Variants in TNPO3 observed in about 807,000 individuals in gnomAD.
The protein encoded by TNPO3 is transportin 3.
A neutral mutation model predicts 122.8 loss-of-function variants in TNPO3; 65 were observed. That is an observed-to-expected ratio of 0.53 (90% CI 0.43 to 0.65). The LOEUF is 0.65. Ranked by LOEUF, TNPO3 falls within the 30% of genes least tolerant of loss-of-function variation. TNPO3 has a pLI of 0.00. For missense variants in TNPO3, 850 were observed against 1,136.7 expected, an observed-to-expected ratio of 0.75 and a Z score of 3.63; for synonymous variants, 372 against 411.2, an observed-to-expected ratio of 0.90 and a Z score of 1.15.
At position 128,979,001 on chromosome 7, in the gene TNPO3, C is replaced by T. The variant is rs751271247; in HGVS notation, c.2043G>A (p.Leu681=). ...RCVGKGSAAL[L]QPLVTQMVNV... ...ACTTTACCTGTGTGACTAGTGGCTG[C>T]AGCAGTGCTGCAGATCCTTTGCCTA... is the stretch of plus-strand genomic sequence containing the variant. Residue 681 remains leucine (L), a synonymous_variant, in exon 16 of 23, where the codon CTG becomes CTA. Coordinates refer to ENST00000265388, the MANE Select transcript of TNPO3 (RefSeq NM_012470.4). 1 of 1,614,054 alleles carries T rather than the reference C, an allele frequency of 6.2e-7. No individual in the cohort carries two copies. The highest frequency in any genetic ancestry group is 1.1e-5 in the South Asian group (1 of 91,090).
chr7:129,050,447 AG>A (rs1269521789), intron 1 of TNPO3, among the ~76,000 whole-genome samples: 1 of 152,002 alleles, frequency 6.6e-6, no homozygotes, highest in African/African-American at 2.4e-5. Flanking sequence ...AAACAAAAAA[AG>A]AAAAAAGTTT....
chr7:129,030,738 T>C (rs1034328788), intron 1 of TNPO3, among the ~76,000 whole-genome samples: 1 of 152,162 alleles, frequency 6.6e-6, no homozygotes, highest in African/African-American at 2.4e-5. Flanking sequence ...TGTGGCAATA[T>C]GGAAGACTAG....
intron 1 of TNPO3, among the ~76,000 whole-genome samples, chr7:129,023,601 C>T (rs893779901): frequency 1.2e-4 from 18 of 152,004 alleles, no homozygotes; most frequent in African/African-American, 3.9e-4. Flanking sequence ...TTCAAAAGTA[C>T]TGAGAGGCAA....
intron 9 of TNPO3, 29 bp from the exon 10 acceptor site, chr7:128,992,119 C>A: frequency 1.5e-6 from 2 of 1,331,222 alleles, no homozygotes; most frequent in African/African-American, 1.5e-5. Context: ...ATTATGGATC[C>A]ATTAAAAGGA....
intron 1 of TNPO3, among the ~76,000 whole-genome samples, chr7:129,045,512 T>G (rs1807925918): frequency 6.7e-6 from 1 of 149,240 alleles, no homozygotes; most frequent in Non-Finnish European, 1.5e-5. Context: ...AAAAAAAACG[T>G]TAAAATGCTA....
intron 22 of TNPO3, among the ~76,000 whole-genome samples, chr7:128,956,568 A>G (rs1016423303): frequency 1.3e-5 from 2 of 152,240 alleles, no homozygotes; most frequent in Non-Finnish European, 2.9e-5. Flanking sequence ...GCGAATGAGC[A>G]TTGGAGCATT....
intron 14 of TNPO3, among the ~76,000 whole-genome samples, chr7:128,981,453 T>G (rs1234867854): frequency 6.6e-6 from 1 of 152,212 alleles, no homozygotes; most frequent in Non-Finnish European, 1.5e-5. Context: ...TTCATTATAT[T>G]TTTGTACCCA....
At chr7:128,994,868 G>A (rs1218487146) in intron 8 of TNPO3, among the ~76,000 whole-genome samples, 1 of 152,108 alleles carries the variant, frequency 6.6e-6, no homozygotes, top group Non-Finnish European at 1.5e-5. Context: ...ATGTTGCCCA[G>A]GCTGGTCTCA....
intron 21 of TNPO3, among the ~76,000 whole-genome samples, chr7:128,961,293 C>T (rs374322322): frequency 1.3e-5 from 2 of 152,014 alleles, no homozygotes; most frequent in African/African-American, 4.8e-5. Context: ...TGTATTTTTA[C>T]TGTACCTTTT....
rs191576179 is a variant in TNPO3, at chr7:128,984,059, C to A, written c.1782+109G>T. ...TTTTAATAAATTCTTAGTGCATTTTCTTGGATTTTCTAGGTAGACAAAAGA... is the reference window on the plus strand; with the variant it reads ...TTTTAATAAATTCTTAGTGCATTTTATTGGATTTTCTAGGTAGACAAAAGA... On this transcript the variant is annotated intron_variant, in intron 13 of 22. Coordinates refer to ENST00000265388, the MANE Select transcript of TNPO3 (RefSeq NM_012470.4). The A allele has an allele frequency of 5.4e-4, 311 of 575,434 alleles. No individual in the cohort carries two copies. The African/African-American group carries it at 5.6e-3, about 10-fold the overall frequency. The allele number at this position is 575,434 out of a possible 1,614,324, so 35.6% of individuals were successfully genotyped here.
intron 3 of TNPO3, among the ~76,000 whole-genome samples, chr7:129,015,849 G>A (rs1281150275): frequency 1.3e-5 from 2 of 151,476 alleles, no homozygotes; most frequent in Non-Finnish European, 2.9e-5. Flanking sequence ...AAAATATAAG[G>A]ATAGGGAGAG....
chr7:128,960,572 T>TAA (rs35592478), intron 21 of TNPO3, among the ~76,000 whole-genome samples: 24 of 141,538 alleles, frequency 1.7e-4, no homozygotes, highest in African/African-American at 1.9e-4. Flanking sequence ...GTTTAAAAGC[T>TAA]AAAAAAAAAA....
At chr7:128,992,887 GTCAAAGGATTGAGAAGA>G (rs955586520) in intron 9 of TNPO3, among the ~76,000 whole-genome samples, 2 of 151,904 alleles carry the variant, frequency 1.3e-5, no homozygotes, top group African/African-American at 4.8e-5. Flanking sequence ...TGTAAATTAA[GTCAAAGGATTGAGAAGA>G]TCAAAGGATT....
intron 11 of TNPO3, 102 bp downstream of exon 11, chr7:128,989,859 G>A (rs1800566054): frequency 7.4e-7 from 1 of 1,354,430 alleles, no homozygotes. Flanking sequence ...AACACTCCGT[G>A]TTAAAAAAAC....
chr7:129,010,109 C>A (rs945055602), intron 4 of TNPO3, among the ~76,000 whole-genome samples: 1 of 152,088 alleles, frequency 6.6e-6, no homozygotes, highest in South Asian at 2.1e-4. Flanking sequence ...CATAAGAATG[C>A]CAACTTATAT....
chr7:128,972,658 A>G lies in TNPO3; in HGVS notation c.2274-76T>C, dbSNP rs1290397730. 5 of 1,342,160 alleles carry G rather than the reference A, an allele frequency of 3.7e-6. No individual in the cohort carries two copies. In the African/African-American group the frequency reaches 7.3e-5, roughly 20 times the overall value. The allele number at this position is 1,342,160 out of a possible 1,614,324, so 83.1% of individuals were successfully genotyped here. A position where few individuals can be genotyped will look rare whatever the true frequency, so the allele number is the denominator to read the frequency against. On this transcript the variant is annotated intron_variant, in intron 18 of 22. Transcript: ENST00000265388. The stretch of plus-strand genomic sequence containing the variant: ...GCAGCCAGGGTAAAAGGGCAAAACT[A>G]TGAAGACAGTAAAAAAGATCAGTGG...
chr7:129,004,660 G>A (rs997367718), intron 5 of TNPO3, among the ~76,000 whole-genome samples: 1 of 152,124 alleles, frequency 6.6e-6, no homozygotes. Flanking sequence ...CTAAACTTGT[G>A]ATGCACACAT....
intron 1 of TNPO3, among the ~76,000 whole-genome samples, chr7:129,050,319 G>A (rs1204482762): frequency 6.9e-6 from 1 of 145,216 alleles, no homozygotes; most frequent in African/African-American, 2.6e-5. Context: ...GGGAGGCGGA[G>A]CTTGCAGTGA....
At chr7:128,983,267 C>T (rs879090131) in intron 13 of TNPO3, among the ~76,000 whole-genome samples, 2 of 151,950 alleles carry the variant, frequency 1.3e-5, no homozygotes, top group Admixed American at 6.6e-5. Context: ...AGTACAATGG[C>T]GCGATTTCGG....
Sources: allele counts gnomAD v4.1 joint callset (sites outside exome capture counted in the v4.1 genomes callset), GRCh38; gene constraint gnomAD v4.1.1; transcripts MANE v1.5; gene names NCBI Gene and HGNC (gene_info 2026-07-23, HGNC 2026-07-21).